THEMIS: variants seen among roughly 807,000 people sequenced by gnomAD.
THEMIS encodes the protein thymocyte selection associated, also known as protein THEMIS.
Under a neutral mutation model 52.6 loss-of-function variants are expected in THEMIS, and 37 were observed. The ratio of observed to expected loss-of-function variants is 0.70; its 90% confidence interval spans 0.54 to 0.93. The LOEUF is 0.93. Ranked by LOEUF, THEMIS falls within the 40% of genes least tolerant of loss-of-function variation. The pLI, the probability that THEMIS is intolerant of heterozygous loss-of-function variation, is 0.00. For missense variants in THEMIS, 808 were observed against 763.1 expected (o/e 1.06, Z -0.69); for synonymous variants, 292 against 272.7 (o/e 1.07, Z -0.70).
chr6:127,911,052 G>A lies in THEMIS; in HGVS notation c.-150+7376C>T, dbSNP rs1348991217. Reference sequence around the variant, plus strand: ...TCTCATGGTTCACCTTGGGTTATGGGTTTGGGGAGGAAGACCACAGAGGTA... The same window carrying A: ...TCTCATGGTTCACCTTGGGTTATGGATTTGGGGAGGAAGACCACAGAGGTA... On this transcript the variant is annotated intron_variant, in intron 1 of 6. Coordinates refer to the THEMIS transcript ENST00000368250. 3.3e-5 allele frequency among the ~76,000 whole-genome samples: 5 copies of A among 151,788 alleles called. No individual in the cohort carries two copies. The East Asian group carries it at 9.7e-4, about 29-fold the overall frequency.
intron 1 of THEMIS, among the ~76,000 whole-genome samples, chr6:127,869,429 C>T (rs887048839): frequency 5.9e-5 from 9 of 152,046 alleles, no homozygotes; most frequent in Admixed American, 3.9e-4. Flanking sequence ...TGCCACTGCC[C>T]GACATCCAAA....
chr6:127,837,314 C>T (rs166580), intron 2 of THEMIS, among the ~76,000 whole-genome samples: 145,776 of 152,138 alleles, frequency 0.96, 69,908 homozygotes, highest in East Asian at 1. Flanking sequence ...CTACCCATGC[C>T]GGGGCTCATG....
At position 127,812,944 on chromosome 6, in the gene THEMIS, G is replaced by A. The variant is rs1777961600; in HGVS notation, c.1697C>T (p.Thr566Ile). Residue 566 changes from threonine to isoleucine, a missense_variant, in exon 4 of 6, where the codon ACA becomes ATA. By Grantham distance (89) the Thr-to-Ile change is moderately conservative. Transcript: ENST00000368248. ...TGCTAAGGTTAGCAGGGTTAACTTT[G>A]TTTCCTCTACTGAGGGGTGTTTCGG... ...RPPKHPSVEE[T>I]KLTLLTLAEE... is the part of the protein sequence containing the mutation. 6.2e-7 allele frequency: 1 copy of A among 1,613,984 alleles called. No individual in the cohort carries two copies. The highest frequency in any genetic ancestry group is 1.1e-5 in the South Asian group (1 of 91,054).
At chr6:127,897,508 G>A (rs1781004748) in intron 1 of THEMIS, among the ~76,000 whole-genome samples, 1 of 151,218 alleles carries the variant, frequency 6.6e-6, no homozygotes, top group Non-Finnish European at 1.5e-5. Flanking sequence ...CTGCAAAAAA[G>A]AGTATTTCCA....
intron 4 of THEMIS, among the ~76,000 whole-genome samples, chr6:127,734,913 A>ATATG (rs1398876841): frequency 1.1e-3 from 120 of 106,412 alleles, no homozygotes; most frequent in South Asian, 2.4e-3. Flanking sequence ...ATATATATAT[A>ATATG]TGTGTGTGTG....
chr6:127,884,516 A>T (rs756619617), intron 1 of THEMIS, among the ~76,000 whole-genome samples: 1 of 151,740 alleles, frequency 6.6e-6, no homozygotes, highest in Non-Finnish European at 1.5e-5. Flanking sequence ...AGACTCTTCA[A>T]CTCCCCCTCT....
At chr6:127,704,546 G>A (rs960489392), downstream of THEMIS, among the ~76,000 whole-genome samples, 3 of 152,184 alleles carry the variant, frequency 2.0e-5, no homozygotes, top group African/African-American at 7.2e-5. Flanking sequence ...AAAAGCTGCT[G>A]CCAACATGCT....
intron 1 of THEMIS, 68 bp downstream of exon 1, chr6:127,900,774 C>A (rs1781112386): frequency 1.5e-6 from 2 of 1,377,612 alleles, no homozygotes; most frequent in Admixed American, 1.8e-5. Context: ...AATTCCCCCC[C>A]TCCAATTTTC....
At chr6:127,917,587 T>A (rs1781553353) in intron 1 of THEMIS, among the ~76,000 whole-genome samples, 2 of 152,192 alleles carry the variant, frequency 1.3e-5, no homozygotes, top group African/African-American at 4.8e-5. Flanking sequence ...TCTGCCCAGC[T>A]CCTAGTCATG....
At chr6:127,875,088 T>C (rs1313357998) in intron 1 of THEMIS, among the ~76,000 whole-genome samples, 1 of 152,240 alleles carries the variant, frequency 6.6e-6, no homozygotes, top group Non-Finnish European at 1.5e-5. Context: ...AAATGTAGTG[T>C]GTACTTGAAA....
chr6:127,787,850 T>TAGAG (rs1554224553), intron 4 of THEMIS, among the ~76,000 whole-genome samples: 21 of 137,592 alleles, frequency 1.5e-4, no homozygotes, highest in Middle Eastern at 3.6e-3. Flanking sequence ...GATAGACAGA[T>TAGAG]ATAGATAGAT....
intron 1 of THEMIS, among the ~76,000 whole-genome samples, chr6:127,898,742 A>G (rs748308520): frequency 1.3e-5 from 2 of 151,944 alleles, no homozygotes; most frequent in Non-Finnish European, 2.9e-5. Context: ...TTAAATGTCC[A>G]TCAACAGATG....
At chr6:127,779,589 T>C (rs1776677629) in intron 4 of THEMIS, among the ~76,000 whole-genome samples, 1 of 152,146 alleles carries the variant, frequency 6.6e-6, no homozygotes, top group African/African-American at 2.4e-5. Flanking sequence ...TGTCTCTGAA[T>C]TGAAGAGCTC....
chr6:127,730,945 A>T (rs947209627), intron 4 of THEMIS, among the ~76,000 whole-genome samples: 4 of 152,240 alleles, frequency 2.6e-5, no homozygotes, highest in Non-Finnish European at 5.9e-5. Context: ...TGTGAAAAGT[A>T]TTCTTTCATG....
chr6:127,911,402 G>C (rs1487235719), intron 1 of THEMIS, among the ~76,000 whole-genome samples: 1 of 149,846 alleles, frequency 6.7e-6, no homozygotes, highest in Non-Finnish European at 1.5e-5. Context: ...ATCAGCATGG[G>C]TTTATGGATA....
intron 4 of THEMIS, among the ~76,000 whole-genome samples, chr6:127,794,921 A>G (rs186684462): frequency 8.5e-4 from 130 of 152,348 alleles, no homozygotes; most frequent in Non-Finnish European, 1.3e-3. Flanking sequence ...GTGTTTTATT[A>G]CTGATGAAAA....
intron 4 of THEMIS, among the ~76,000 whole-genome samples, chr6:127,801,694 G>T (rs190125593): frequency 6.6e-6 from 1 of 152,240 alleles, no homozygotes; most frequent in East Asian, 1.9e-4. Flanking sequence ...ACCCTGCGCT[G>T]CCTGAGGCAA....
rs184953206 is a variant in THEMIS at position 127,893,739 on chromosome 6, C to G, written c.91+7103G>C. ...CAGCCTCTTTCAAATTTCCTTAAAC[C>G]TCCCATCCCCCAAAATTTGTCACAG... On this transcript the variant is annotated intron_variant, in intron 1 of 5. Coordinates refer to ENST00000368248, the MANE Select transcript of THEMIS (RefSeq NM_001010923.3). Among the ~76,000 whole-genome samples the G allele has an allele frequency of 2.3e-3, 356 of 152,154 alleles. 2 individuals carry two copies. The Middle Eastern group carries it at 0.034, about 15-fold the overall frequency.
chr6:127,847,178 T>C (rs1249136650), intron 2 of THEMIS, among the ~76,000 whole-genome samples: 1 of 151,910 alleles, frequency 6.6e-6, no homozygotes, highest in Non-Finnish European at 1.5e-5. Context: ...GCCAACATCA[T>C]ACTGAATGGG....
Sources: gnomAD v4.1 joint callset for allele counts (sites outside exome capture counted in the v4.1 genomes callset) on GRCh38, gnomAD v4.1.1 for gene constraint, MANE v1.5 for transcripts, NCBI Gene and HGNC (gene_info 2026-07-23, HGNC 2026-07-21) for gene names.